Variants in FOCAD observed in about 807,000 individuals in gnomAD.
FOCAD encodes the protein KIAA1797.
Under a neutral mutation model 225.6 loss-of-function variants are expected in FOCAD, and 198 were observed. That is an observed-to-expected ratio of 0.88 (90% confidence interval 0.78 to 0.99). The LOEUF (loss-of-function observed/expected upper bound fraction) is 0.99, where lower values mean the gene tolerates loss of function less well. Ranked by LOEUF, FOCAD falls within the 50% of genes least tolerant of loss-of-function variation. FOCAD has a pLI of 0.00. For synonymous variants in FOCAD, 897 were observed against 755.0 expected, an observed-to-expected ratio of 1.19 and a Z score of -3.08; for missense variants, 2,713 against 2,123.6, an observed-to-expected ratio of 1.28 and a Z score of -5.46.
Position 20,976,500 on chromosome 9 carries a change from C to G in FOCAD, c.4213C>G (p.Pro1405Ala). The part of the protein sequence containing the change: ...ATVGESYQYP[P>A]VNWAALLSPL... ...TGTTGGAGAAAGCTACCAATATCCT[C>G]CTGTGAACTGGGCTGCACTTCTCTC... The change falls in exon 36 of 44, where the codon CCT becomes GCT. Residue 1405 changes from proline to alanine, a missense_variant. Physicochemically the swap from Pro to Ala is conservative, Grantham distance 27. Transcript: ENST00000338382. 6.2e-7 allele frequency: 1 copy of G among 1,613,348 alleles called. No homozygotes were observed. Among genetic ancestry groups the G allele is most frequent in the Non-Finnish European group, 8.5e-7 (1 of 1,179,416 alleles).
chr9:20,848,724 G>A (rs1398794609), intron 15 of FOCAD, among the ~76,000 whole-genome samples: 2 of 151,954 alleles, frequency 1.3e-5, no homozygotes, highest in East Asian at 1.9e-4. Flanking sequence ...ACATTCTTTT[G>A]CAACTTGTTT....
rs531699747 is a variant in FOCAD, at chr9:20,860,328, C to T, written c.1921-2250C>T. Among the ~76,000 whole-genome samples, 15 of 152,170 alleles carry T rather than the reference C, an allele frequency of 9.9e-5. 1 individual carries two copies. Among genetic ancestry groups the T allele is most frequent in the Admixed American group, 6.5e-4 (10 of 15,286 alleles). On this transcript the variant is annotated intron_variant, in intron 15 of 43. Coordinates refer to ENST00000338382, the MANE Select transcript of FOCAD (RefSeq NM_001375567.1). ...TTTTCATACTGCTGATAAAAACATA[C>T]CCAAGACTGCGCAATTTACAAAAGA...
chr9:20,945,001 A>G (rs1226985576), intron 29 of FOCAD, among the ~76,000 whole-genome samples: 1 of 152,248 alleles, frequency 6.6e-6, no homozygotes, highest in East Asian at 1.9e-4. Flanking sequence ...CCTTTAGTGA[A>G]TACAAAACCT....
intron 29 of FOCAD, among the ~76,000 whole-genome samples, chr9:20,946,072 A>G (rs1342451965): frequency 7.8e-6 from 1 of 128,394 alleles, no homozygotes; most frequent in Non-Finnish European, 1.6e-5. Context: ...TTTTACCCAT[A>G]TTTTATTTAT....
Position 20,937,572 on chromosome 9 carries a change from A to C in FOCAD, c.3407+4469A>C, listed in dbSNP as rs576948205. Among the ~76,000 whole-genome samples, 9 of 152,288 alleles carry C rather than the reference A, an allele frequency of 5.9e-5. No homozygotes were observed. The South Asian group carries it at 1.0e-3, about 18-fold the overall frequency. ...TCCCTTCCTTACACCTTATACAAAA[A>C]TTAATTCAAGATGGATTAAAGACTT... On this transcript the variant is annotated intron_variant, in intron 28 of 43. Transcript: ENST00000338382.
At chr9:20,684,155 A>T (rs981330863), upstream of FOCAD, 1 of 152,164 alleles carries the variant, frequency 6.6e-6, no homozygotes, top group African/African-American at 2.4e-5. Context: ...GGCGGGCCCC[A>T]GCCGGAGGAG....
intron 28 of FOCAD, among the ~76,000 whole-genome samples, chr9:20,936,905 A>G (rs543408963): frequency 2.0e-5 from 3 of 152,236 alleles, no homozygotes; most frequent in African/African-American, 7.2e-5. Context: ...TCAATGTGCA[A>G]AAATCACAAA....
At chr9:20,879,885 G>C (rs914715103) in intron 19 of FOCAD, among the ~76,000 whole-genome samples, 3 of 152,192 alleles carry the variant, frequency 2.0e-5, no homozygotes, top group African/African-American at 7.2e-5. Context: ...GTTAGTCTAT[G>C]TGCAGATATG....
chr9:20,768,542 C>T (rs1357553209), intron 7 of FOCAD, among the ~76,000 whole-genome samples: 8 of 151,766 alleles, frequency 5.3e-5, no homozygotes, highest in African/African-American at 9.7e-5. Context: ...AGGTCCTTCA[C>T]ATCCCTTGTA....
At chr9:20,836,696 T>A (rs1479519009) in intron 15 of FOCAD, among the ~76,000 whole-genome samples, 1 of 152,100 alleles carries the variant, frequency 6.6e-6, no homozygotes, top group Non-Finnish European at 1.5e-5. Flanking sequence ...TAACATTCAC[T>A]TTGTCACCCT....
chr9:20,815,123 G>GTGTGTTTTTTTTT (rs1564024181), intron 11 of FOCAD, among the ~76,000 whole-genome samples: 1 of 85,396 alleles, frequency 1.2e-5, no homozygotes, highest in Admixed American at 1.4e-4. Flanking sequence ...ACTTCTCTTT[G>GTGTGTTTTTTTTT]TTTTTTTTTT....
intron 14 of FOCAD, among the ~76,000 whole-genome samples, chr9:20,821,790 T>A (rs888301698): frequency 7.9e-5 from 12 of 152,046 alleles, no homozygotes; most frequent in African/African-American, 2.9e-4. Context: ...CCTGGTAACG[T>A]CATTCTCACT....
At chr9:20,868,043 C>T (rs1829439337) in intron 18 of FOCAD, among the ~76,000 whole-genome samples, 1 of 152,046 alleles carries the variant, frequency 6.6e-6, no homozygotes, top group African/African-American at 2.4e-5. Flanking sequence ...GATAGATTGA[C>T]CGCTTGTCAT....
chr9:20,777,070 A>C (rs911230070), intron 8 of FOCAD, among the ~76,000 whole-genome samples: 1 of 152,118 alleles, frequency 6.6e-6, no homozygotes, highest in Non-Finnish European at 1.5e-5. Context: ...AAAATTCACG[A>C]ATTTTTTTCT....
intron 1 of FOCAD, among the ~76,000 whole-genome samples, chr9:20,698,939 CT>C (rs1176803837): frequency 3.3e-5 from 5 of 152,204 alleles, no homozygotes; most frequent in Non-Finnish European, 5.9e-5. Flanking sequence ...GTATGCCACA[CT>C]TTGGGATATA....
intron 9 of FOCAD, 98 bp from the exon 10 acceptor site, chr9:20,781,624 AAAGGG>A (rs1259457392): frequency 1.4e-5 from 13 of 932,432 alleles, no homozygotes; most frequent in Non-Finnish European, 2.2e-5. Flanking sequence ...CCCAGTTATA[AAAGGG>A]AAGAAAACTT....
chr9:20,749,220 C>G (rs537964419), intron 5 of FOCAD, among the ~76,000 whole-genome samples: 1 of 152,040 alleles, frequency 6.6e-6, no homozygotes, highest in Non-Finnish European at 1.5e-5. Flanking sequence ...GGGGGAGAAT[C>G]GTTGTAATAG....
intron 15 of FOCAD, among the ~76,000 whole-genome samples, chr9:20,823,403 T>C (rs1433245888): frequency 2.6e-5 from 4 of 152,060 alleles, no homozygotes; most frequent in Admixed American, 2.6e-4. Flanking sequence ...GTTATGCCTA[T>C]AGGAGAACTC....
intron 23 of FOCAD, 106 bp from the exon 24 acceptor site, chr9:20,916,787 A>C: frequency 1.0e-6 from 1 of 988,218 alleles, no homozygotes; most frequent in Non-Finnish European, 1.5e-6. Context: ...GTATAGTTTT[A>C]AGATCTGGAG....
Sources: allele counts gnomAD v4.1 joint callset (sites outside exome capture counted in the v4.1 genomes callset), GRCh38; gene constraint gnomAD v4.1.1; transcripts MANE v1.5; gene names NCBI Gene and HGNC (gene_info 2026-07-23, HGNC 2026-07-21).